Variants in GRB10 observed in about 807,000 individuals in gnomAD.
GRB10 encodes the protein growth factor receptor-bound protein 10.
A neutral mutation model predicts 80.9 loss-of-function variants in GRB10; 20 were observed. The ratio of observed to expected loss-of-function variants is 0.25; its 90% CI spans 0.17 to 0.36. GRB10 has a LOEUF of 0.36. Among genes scored for constraint, GRB10 ranks in the 10% least tolerant of loss-of-function variants. The pLI is 1.00. For synonymous variants in GRB10, 291 were observed against 291.5 expected, an observed-to-expected ratio of 1.00 and a Z score of 0.02; for missense variants, 548 against 747.7, an observed-to-expected ratio of 0.73 and a Z score of 3.12.
chr7:50,600,758 A>G (rs1014475188), intron 17 of GRB10, among the ~76,000 whole-genome samples: 1 of 152,232 alleles, frequency 6.6e-6, no homozygotes, highest in Admixed American at 6.5e-5. Context: ...CCTTCCATAC[A>G]TGAAACGAGG....
intron 1 of GRB10, 99 bp from the exon 2 acceptor site, chr7:50,780,835 G>A (rs894848354): frequency 3.9e-5 from 6 of 152,148 alleles, no homozygotes; most frequent in African/African-American, 1.4e-4. Context: ...GGCTTTTGTG[G>A]GAACACAAGT....
intron 2 of GRB10, among the ~76,000 whole-genome samples, chr7:50,773,458 G>GAGAA (rs2077219114): frequency 2.1e-4 from 7 of 33,936 alleles, no homozygotes; most frequent in African/African-American, 7.2e-4. Context: ...GAAGGGAGGG[G>GAGAA]AGGGGAAGGC....
intron 5 of GRB10, among the ~76,000 whole-genome samples, chr7:50,690,130 C>G (rs1357889510): frequency 1.3e-5 from 2 of 152,096 alleles, no homozygotes; most frequent in Non-Finnish European, 2.9e-5. Flanking sequence ...TACCCCATCT[C>G]TACTAAAAGT....
chr7:50,628,043 C>T (rs1314496173), intron 7 of GRB10, among the ~76,000 whole-genome samples: 1 of 152,176 alleles, frequency 6.6e-6, no homozygotes, highest in African/African-American at 2.4e-5. Context: ...ACGACAAGAC[C>T]CGGACTTGGG....
chr7:50,696,955 C>A (rs1035933027), intron 5 of GRB10, among the ~76,000 whole-genome samples: 7 of 152,180 alleles, frequency 4.6e-5, no homozygotes, highest in Admixed American at 3.3e-4. Flanking sequence ...TGTGGTCCAT[C>A]CACACAATGG....
chr7:50,792,956 G>GGCGCCCGGCTGCCTCCACCTCCGCCGC (rs2078997360), intron 1 of GRB10: 1 of 146,896 alleles, frequency 6.8e-6, no homozygotes, highest in African/African-American at 2.5e-5. Flanking sequence ...AGCCCCGCGG[G>GGCGCCCGGCTGCCTCCACCTCCGCCGC]GCGCCCGGCT....
At chr7:50,672,658 G>A (rs1374708080) in intron 6 of GRB10, among the ~76,000 whole-genome samples, 1 of 152,174 alleles carries the variant, frequency 6.6e-6, no homozygotes, top group Admixed American at 6.5e-5. Context: ...ATATGGGCGA[G>A]TTCAGCCAGA....
At chr7:50,640,050 C>T (rs1338072953) in intron 7 of GRB10, among the ~76,000 whole-genome samples, 3 of 152,140 alleles carry the variant, frequency 2.0e-5, no homozygotes, top group Non-Finnish European at 4.4e-5. Flanking sequence ...TACCAGTGTC[C>T]TTGCTGGGGT....
At chr7:50,654,192 C>T (rs1207039082) in intron 7 of GRB10, among the ~76,000 whole-genome samples, 1 of 152,242 alleles carries the variant, frequency 6.6e-6, no homozygotes, top group South Asian at 2.1e-4. Flanking sequence ...ATGTCCCCAG[C>T]TTCTCCTGAA....
At chr7:50,616,939 G>C (rs978581382) in intron 10 of GRB10, among the ~76,000 whole-genome samples, 2 of 152,228 alleles carry the variant, frequency 1.3e-5, no homozygotes, top group African/African-American at 4.8e-5. Context: ...AAGTTGGGGA[G>C]GTGATGCTGG....
At chr7:50,645,704 C>T (rs945073740) in intron 7 of GRB10, 11 of 749,900 alleles carry the variant, frequency 1.5e-5, no homozygotes, top group Non-Finnish European at 1.6e-5. Flanking sequence ...CCATTTGCTC[C>T]CAGACAGGCT....
chr7:50,722,931 C>A (rs2067996772), intron 4 of GRB10, among the ~76,000 whole-genome samples: 1 of 152,080 alleles, frequency 6.6e-6, no homozygotes, highest in Admixed American at 6.5e-5. Context: ...TCATACTGCA[C>A]AAGCTACAAA....
At chr7:50,719,769 C>T (rs1219278796) in intron 4 of GRB10, among the ~76,000 whole-genome samples, 1 of 152,120 alleles carries the variant, frequency 6.6e-6, no homozygotes, top group East Asian at 1.9e-4. Context: ...AATGCTACAA[C>T]CAGCTCCTTA....
At chr7:50,747,121 T>C (rs1269829061) in intron 3 of GRB10, among the ~76,000 whole-genome samples, 9 of 152,182 alleles carry the variant, frequency 5.9e-5, no homozygotes, top group Non-Finnish European at 1.3e-4. Flanking sequence ...TCTAAACTTA[T>C]TTGAATCATT....
intron 13 of GRB10, among the ~76,000 whole-genome samples, chr7:50,611,055 A>G (rs2049429439): frequency 6.6e-6 from 1 of 152,032 alleles, no homozygotes; most frequent in Admixed American, 6.6e-5. Context: ...AACCATATAC[A>G]GACAGCTTCA....
intron 7 of GRB10, among the ~76,000 whole-genome samples, chr7:50,630,700 T>G (rs1367450644): frequency 6.6e-6 from 1 of 152,146 alleles, no homozygotes; most frequent in Non-Finnish European, 1.5e-5. Context: ...AGCCCCTAAA[T>G]AGCAAATTGT....
chr7:50,663,930 C>G (rs1215849781), intron 7 of GRB10, among the ~76,000 whole-genome samples: 3 of 152,162 alleles, frequency 2.0e-5, no homozygotes, highest in African/African-American at 7.2e-5. Flanking sequence ...TGCTTCAGCC[C>G]ACACAGTGCT....
chr7:50,752,316 A>C (rs79617314), intron 3 of GRB10, among the ~76,000 whole-genome samples: 24,442 of 152,204 alleles, frequency 0.16, 2,602 homozygotes, highest in East Asian at 0.38. Context: ...ATGTCAAAAA[A>C]GGAAGGCTGA....
chr7:50,744,801 C>A (rs2072587029), intron 3 of GRB10, among the ~76,000 whole-genome samples: 1 of 152,116 alleles, frequency 6.6e-6, no homozygotes, highest in Non-Finnish European at 1.5e-5. Flanking sequence ...GAGCTCACAG[C>A]AACAGTGGAA....
Sources: gnomAD v4.1 joint callset for allele counts (sites outside exome capture counted in the v4.1 genomes callset) on GRCh38, gnomAD v4.1.1 for gene constraint, MANE v1.5 for transcripts, NCBI Gene and HGNC (gene_info 2026-07-23, HGNC 2026-07-21) for gene names.